The following PTPRD variants were observed in gnomAD, a reference collection of about 807,000 sequenced individuals.
PTPRD encodes protein tyrosine phosphatase receptor type D.
A neutral mutation model predicts 214.5 loss-of-function variants in PTPRD; 34 were observed. The ratio of observed to expected loss-of-function variants is 0.16; its 90% CI spans 0.12 to 0.21. The LOEUF is 0.21. PTPRD is among the 10% of genes least tolerant of loss of function. The pLI is 1.00. For synonymous variants in PTPRD, 1,128 were observed against 845.7 expected (o/e 1.33, Z -5.79); for missense variants, 2,545 against 2,398.7 (o/e 1.06, Z -1.27).
chr9:8,987,744 T>C (rs1243981930), intron 11 of PTPRD, among the ~76,000 whole-genome samples: 1 of 151,988 alleles, frequency 6.6e-6, no homozygotes. Context: ...TTGAATGAAG[T>C]TGAAATTGTG....
intron 12 of PTPRD, among the ~76,000 whole-genome samples, chr9:8,662,681 C>T (rs1238432659): frequency 6.6e-6 from 1 of 152,162 alleles, no homozygotes; most frequent in Non-Finnish European, 1.5e-5. Context: ...TCCCTACTGC[C>T]TTTCCCTCAA....
chr9:8,799,032 A>G (rs531834436), intron 11 of PTPRD, among the ~76,000 whole-genome samples: 1 of 152,268 alleles, frequency 6.6e-6, no homozygotes, highest in East Asian at 1.9e-4. Context: ...CACTGAGCAT[A>G]TTTATCCTAG....
intron 12 of PTPRD, among the ~76,000 whole-genome samples, chr9:8,723,606 G>GAATGTT: frequency 6.6e-6 from 1 of 152,144 alleles, no homozygotes; most frequent in South Asian, 2.1e-4. Flanking sequence ...AAATGTTACT[G>GAATGTT]AAATTTGTTT....
At chr9:9,264,368 G>GA (rs1347773665) in intron 9 of PTPRD, among the ~76,000 whole-genome samples, 1 of 151,624 alleles carries the variant, frequency 6.6e-6, no homozygotes, top group African/African-American at 2.4e-5. Context: ...TTCTGGTGCT[G>GA]AAGAATACCA....
chr9:10,399,309 A>C (rs2098230091), intron 2 of PTPRD, among the ~76,000 whole-genome samples: 1 of 151,946 alleles, frequency 6.6e-6, no homozygotes, highest in Non-Finnish European at 1.5e-5. Context: ...TCCACTGTTA[A>C]ACACTTACAT....
intron 7 of PTPRD, among the ~76,000 whole-genome samples, chr9:9,696,721 C>G (rs956708190): frequency 6.6e-6 from 1 of 152,046 alleles, no homozygotes; most frequent in Admixed American, 6.6e-5. Context: ...TTCTTGTAGG[C>G]AGCATATAGT....
intron 4 of PTPRD, among the ~76,000 whole-genome samples, 157 bp from the exon 5 acceptor site, chr9:9,938,767 C>G (rs955828493): frequency 6.6e-6 from 1 of 152,122 alleles, no homozygotes; most frequent in Non-Finnish European, 1.5e-5. Flanking sequence ...TAATTTACAT[C>G]TGAGGGATTA....
In PTPRD at chr9:8,316,930, C is replaced by T. The variant is rs1461499327; in HGVS notation, c.*944G>A. The stretch of plus-strand genomic sequence containing the variant: ...TAACTGTATCTATTTTTTGTGTGGA[C>T]ACACTGTCTATATATACATAGACAC... On this transcript the variant is annotated 3_prime_UTR_variant, in exon 46 of 46. Transcript: ENST00000381196. 2 of 231,240 alleles carry T rather than the reference C, an allele frequency of 8.6e-6. No homozygotes were observed. Among genetic ancestry groups the T allele is most frequent in the Non-Finnish European group, 1.7e-5 (2 of 116,616 alleles). 14.3% of individuals were successfully genotyped at this position (231,240 alleles called of 1,614,324 possible). A position where few individuals can be genotyped will look rare whatever the true frequency, so the allele number is the denominator to read the frequency against.
At chr9:8,573,536 ATTAAAACTGGC>A (rs1387044368) in intron 14 of PTPRD, among the ~76,000 whole-genome samples, 2 of 151,996 alleles carry the variant, frequency 1.3e-5, no homozygotes, top group East Asian at 1.9e-4. Flanking sequence ...TCTTGTTAAT[ATTAAAACTGGC>A]TTAAAGCCAG....
At chr9:10,500,500 G>T (rs1297488349) in intron 2 of PTPRD, among the ~76,000 whole-genome samples, 1 of 151,478 alleles carries the variant, frequency 6.6e-6, no homozygotes, top group Non-Finnish European at 1.5e-5. Context: ...ATCCCTTCAG[G>T]GTATGTAGAG....
chr9:8,848,115 G>A (rs1321043484), intron 11 of PTPRD, among the ~76,000 whole-genome samples: 1 of 151,854 alleles, frequency 6.6e-6, no homozygotes, highest in Non-Finnish European at 1.5e-5. Context: ...CAGAGCTCTG[G>A]CAGTTGTATC....
At chr9:8,696,250 G>C (rs1369517517) in intron 12 of PTPRD, among the ~76,000 whole-genome samples, 1 of 152,110 alleles carries the variant, frequency 6.6e-6, no homozygotes, top group African/African-American at 2.4e-5. Flanking sequence ...CTTTCCAACA[G>C]ATTTTCTGTG....
intron 9 of PTPRD, among the ~76,000 whole-genome samples, chr9:9,381,805 G>T (rs2062376503): frequency 6.6e-6 from 1 of 150,792 alleles, no homozygotes; most frequent in Non-Finnish European, 1.5e-5. Context: ...ATCAAGAAGT[G>T]GGATCTCCAG....
chr9:8,446,762 T>A (rs1214855364), intron 34 of PTPRD, among the ~76,000 whole-genome samples: 1 of 152,126 alleles, frequency 6.6e-6, no homozygotes, highest in Non-Finnish European at 1.5e-5. Context: ...AAAATTAGCG[T>A]CATAGCACCT....
intron 8 of PTPRD, among the ~76,000 whole-genome samples, chr9:9,407,452 T>G (rs1005815780): frequency 6.6e-6 from 1 of 151,806 alleles, no homozygotes; most frequent in Non-Finnish European, 1.5e-5. Flanking sequence ...TATAAACAGA[T>G]AGGGTATCTA....
chr9:9,608,955 C>G (rs981279078), intron 7 of PTPRD, among the ~76,000 whole-genome samples: 1 of 152,092 alleles, frequency 6.6e-6, no homozygotes, highest in Non-Finnish European at 1.5e-5. Context: ...TGTTCTGATT[C>G]TTTATTTTTC....
intron 2 of PTPRD, among the ~76,000 whole-genome samples, chr9:10,568,976 T>G (rs578228528): frequency 1.3e-5 from 2 of 151,742 alleles, no homozygotes; most frequent in South Asian, 4.2e-4. Context: ...ACCATCAGAG[T>G]GAACAGGCAA....
At chr9:8,722,366 G>C (rs1330310305) in intron 12 of PTPRD, among the ~76,000 whole-genome samples, 1 of 151,738 alleles carries the variant, frequency 6.6e-6, no homozygotes, top group African/African-American at 2.4e-5. Context: ...AGGCAAATCT[G>C]GTTACTAACA....
chr9:9,311,302 T>C (rs756470273), intron 9 of PTPRD, among the ~76,000 whole-genome samples: 3 of 152,184 alleles, frequency 2.0e-5, no homozygotes, highest in Admixed American at 6.5e-5. Flanking sequence ...AAAATCATTA[T>C]ATTATGTTGT....
Sources: allele counts gnomAD v4.1 joint callset (sites outside exome capture counted in the v4.1 genomes callset), GRCh38; gene constraint gnomAD v4.1.1; transcripts MANE v1.5; gene names NCBI Gene and HGNC (gene_info 2026-07-23, HGNC 2026-07-21).